The following SLC22A16 variants were observed in gnomAD, a reference collection of about 807,000 sequenced individuals.
SLC22A16 encodes the protein WUGSC:RG331P03.1.
A neutral mutation model predicts 52.9 loss-of-function variants in SLC22A16; 53 were observed. The ratio of observed to expected loss-of-function variants is 1.00; its 90% CI spans 0.80 to 1.26. SLC22A16 has a LOEUF of 1.26. Among genes scored for constraint, SLC22A16 ranks in the 50% most tolerant of loss-of-function variants. The pLI, the probability that SLC22A16 is intolerant of heterozygous loss-of-function variation, is 0.00. For missense variants in SLC22A16, 726 were observed against 704.0 expected (o/e 1.03, Z -0.35); for synonymous variants, 291 against 268.8 (o/e 1.08, Z -0.81).
chr6:110,458,185 A>T (rs1775740098), intron 1 of SLC22A16, among the ~76,000 whole-genome samples: 3 of 152,178 alleles, frequency 2.0e-5, no homozygotes, highest in African/African-American at 7.2e-5. Context: ...GTTGCCAAAC[A>T]GGGAAGGGCC....
chr6:110,437,161 T>TAATTAACAATTGTTAATTA (rs1774768001), intron 5 of SLC22A16, among the ~76,000 whole-genome samples: 1 of 152,372 alleles, frequency 6.6e-6, no homozygotes, highest in African/African-American at 2.4e-5. Flanking sequence ...TAAATTAAAT[T>TAATTAACAATTGTTAATTA]AATTAACAAT....
Position 110,466,379 on chromosome 6 carries a change from G to A in SLC22A16, c.54-9362C>T, listed in dbSNP as rs549989642. On this transcript the variant is annotated intron_variant, in intron 1 of 7. Coordinates refer to ENST00000368919, the MANE Select transcript of SLC22A16 (RefSeq NM_033125.4). ...AGAATGGGAAAAATATTTGCAAACC[G>A]AACTATGCATCCAACAAAGAGCTAA... Among the ~76,000 whole-genome samples the A allele has an allele frequency of 2.6e-5, 4 of 151,820 alleles. No individual in the cohort carries two copies. The South Asian group carries it at 6.2e-4, about 24-fold the overall frequency.
At chr6:110,437,398 C>A (rs1774777423) in intron 5 of SLC22A16, among the ~76,000 whole-genome samples, 1 of 152,130 alleles carries the variant, frequency 6.6e-6, no homozygotes, top group Admixed American at 6.6e-5. Context: ...CTACAAACTA[C>A]TTTTTTAAAG....
At chr6:110,427,754 T>C (rs1256328823) in intron 7 of SLC22A16, among the ~76,000 whole-genome samples, 1 of 152,216 alleles carries the variant, frequency 6.6e-6, no homozygotes, top group Admixed American at 6.5e-5. Context: ...GGATTACTTG[T>C]GTGAGCCACC....
At chr6:110,431,841 T>C (rs905590523) in intron 6 of SLC22A16, among the ~76,000 whole-genome samples, 1 of 151,804 alleles carries the variant, frequency 6.6e-6, no homozygotes, top group African/African-American at 2.4e-5. Context: ...GAGGTAGGAG[T>C]GTGGAGGTAA....
chr6:110,441,137 C>G (rs1774948360), intron 4 of SLC22A16, among the ~76,000 whole-genome samples: 1 of 152,144 alleles, frequency 6.6e-6, no homozygotes. Flanking sequence ...AGATGAAGAC[C>G]ACAGTGGCAG....
intron 1 of SLC22A16, among the ~76,000 whole-genome samples, chr6:110,470,473 C>T (rs1227859628): frequency 2.6e-5 from 4 of 152,112 alleles, no homozygotes; most frequent in Non-Finnish European, 5.9e-5. Context: ...ACCTCCCACC[C>T]TCTTACTTCC....
At chr6:110,434,720 C>A (rs221720) in intron 6 of SLC22A16, among the ~76,000 whole-genome samples, 2 of 152,148 alleles carry the variant, frequency 1.3e-5, no homozygotes, top group Non-Finnish European at 2.9e-5. Flanking sequence ...TGGCTCATGC[C>A]TGTAATCCCA....
chr6:110,442,327 A>G lies in SLC22A16; in HGVS notation c.1100T>C (p.Phe367Ser). Reference sequence around the variant, plus strand: ...CGAGTAGAATCCCAAACTTCCAGTGAACCAGATTAGCCAAACGGTAAGTGT... The same window carrying G: ...CGAGTAGAATCCCAAACTTCCAGTGGACCAGATTAGCCAAACGGTAAGTGT... ...KRTLTVWLIW[F>S]TGSLGFYSFS... Residue 367 changes from phenylalanine (F) to serine (S), a missense_variant, in exon 4 of 8, where the codon TTC (phenylalanine) becomes TCC (serine). Phe to Ser is a radical substitution (Grantham distance 155, BLOSUM62 -2). Coordinates refer to ENST00000368919, the MANE Select transcript of SLC22A16 (RefSeq NM_033125.4). The G allele has an allele frequency of 6.2e-7, 1 of 1,614,252 alleles. No individual in the cohort carries two copies. The highest frequency in any genetic ancestry group is 8.5e-7 in the Non-Finnish European group (1 of 1,180,046).
chr6:110,452,503 C>T (rs1775424110), intron 2 of SLC22A16, among the ~76,000 whole-genome samples: 1 of 152,078 alleles, frequency 6.6e-6, no homozygotes, highest in Admixed American at 6.6e-5. Context: ...CATACATCCT[C>T]GTCTGTTCCT....
In SLC22A16 at chr6:110,442,613, T is replaced by C. The variant is rs2114938363; in HGVS notation, c.814A>G (p.Met272Val). The change falls in exon 4 of 8, where the codon ATG (methionine) becomes GTG (valine). Residue 272 changes from methionine to valine, a missense_variant. Met to Val is a conservative substitution (Grantham distance 21). Coordinates refer to ENST00000368919, the MANE Select transcript of SLC22A16 (RefSeq NM_033125.4). ...YLVRTWWLYQMILSTVTVPFI... is the reference protein window; with the variant it reads ...YLVRTWWLYQVILSTVTVPFI... The stretch of plus-strand genomic sequence containing the variant: ...GGGACAGTCACTGTGGAGAGGATCA[T>C]CTGGTAAAGCCACCAGGTCCTGACC... The C allele has an allele frequency of 3.1e-6, 5 of 1,614,198 alleles. 1 individual carries two copies. Among genetic ancestry groups the C allele is most frequent in the Non-Finnish European group, 4.2e-6 (5 of 1,180,032 alleles).
intron 6 of SLC22A16, among the ~76,000 whole-genome samples, chr6:110,431,579 T>C (rs6568646): frequency 0.2 from 29,844 of 152,106 alleles, 3,776 homozygotes; most frequent in African/African-American, 0.36. Context: ...CTGTGCCACA[T>C]AGCCTGGGTG....
At chr6:110,429,437 C>T (rs375856595) in intron 7 of SLC22A16, among the ~76,000 whole-genome samples, 25 of 152,342 alleles carry the variant, frequency 1.6e-4, no homozygotes, top group African/African-American at 6.0e-4. Context: ...GGATACCAAG[C>T]ACTGTTTTAT....
chr6:110,457,441 G>A (rs993491952), intron 1 of SLC22A16, among the ~76,000 whole-genome samples: 5 of 152,204 alleles, frequency 3.3e-5, no homozygotes, highest in Admixed American at 2.0e-4. Context: ...ACCTGAAAAA[G>A]TTCCCAGTGG....
At chr6:110,432,722 T>G (rs1488224411) in intron 6 of SLC22A16, among the ~76,000 whole-genome samples, 1 of 152,238 alleles carries the variant, frequency 6.6e-6, no homozygotes, top group Non-Finnish European at 1.5e-5. Flanking sequence ...TCTCCACCAT[T>G]GTCAGCCTGT....
intron 3 of SLC22A16, 143 bp from the exon 4 acceptor site, chr6:110,442,918 A>G: frequency 1.4e-6 from 1 of 730,068 alleles, no homozygotes; most frequent in Non-Finnish European, 2.2e-6. Context: ...GTATAAAATG[A>G]CATTCAATCC....
rs536924986 is a variant in SLC22A16, at chr6:110,436,036, A to T, written c.1312-75T>A. On this transcript the variant is annotated intron_variant, in intron 5 of 7. Transcript: ENST00000368919. ...AAAATAGAAAATCTTTAAAATCATT[A>T]CTTAAAACATTCTAATTCCTTCAGT... is the stretch of plus-strand genomic sequence containing the variant. 38 of 935,900 alleles carry T rather than the reference A, an allele frequency of 4.1e-5. No individual in the cohort carries two copies. The African/African-American group carries it at 5.2e-4, about 13-fold the overall frequency. 58.0% of individuals were successfully genotyped at this position (935,900 alleles called of 1,614,324 possible).
chr6:110,445,076 A>G (rs1343762211), intron 3 of SLC22A16, among the ~76,000 whole-genome samples: 1 of 152,094 alleles, frequency 6.6e-6, no homozygotes, highest in Admixed American at 6.6e-5. Flanking sequence ...TCTTCTCGGA[A>G]TCCACCCCCT....
intron 2 of SLC22A16, among the ~76,000 whole-genome samples, chr6:110,451,899 C>T (rs1390705180): frequency 6.6e-6 from 1 of 152,130 alleles, no homozygotes; most frequent in Non-Finnish European, 1.5e-5. Context: ...TTTTGCTTTT[C>T]ACATATGCAC....
Sources: allele counts gnomAD v4.1 joint callset (sites outside exome capture counted in the v4.1 genomes callset), GRCh38; gene constraint gnomAD v4.1.1; transcripts MANE v1.5; gene names NCBI Gene and HGNC (gene_info 2026-07-23, HGNC 2026-07-21).